The following WDR53 variants were observed in gnomAD, a reference collection of about 807,000 sequenced individuals.
WDR53 encodes WD repeat-containing protein 53.
WDR53 carries 19 observed loss-of-function variants against 21.3 expected under a neutral mutation model. That is an observed-to-expected ratio of 0.89 (90% CI 0.62 to 1.31). The LOEUF (loss-of-function observed/expected upper bound fraction) is 1.31, where lower values mean the gene tolerates loss of function less well. WDR53 is among the 50% of genes most tolerant of loss of function. The pLI, the probability that WDR53 is intolerant of heterozygous loss-of-function variation, is 0.00. For missense variants in WDR53, 374 were observed against 423.2 expected (o/e 0.88, Z 1.02); for synonymous variants, 157 against 163.4 (o/e 0.96, Z 0.30).
At chr3:196,555,971 CAAATTGAAATAAGCTAA>C (rs1367711437) in intron 3 of WDR53, among the ~76,000 whole-genome samples, 5 of 151,456 alleles carry the variant, frequency 3.3e-5, no homozygotes. Flanking sequence ...AAAGTACGAA[CAAATTGAAATAAGCTAA>C]AGTAAAATAA....
In WDR53 at chr3:196,561,334, A is replaced by G. The variant is rs1485504294; in HGVS notation, c.142T>C (p.Phe48Leu). 1 of 1,613,874 alleles carries G rather than the reference A, an allele frequency of 6.2e-7. No individual in the cohort carries two copies. Among genetic ancestry groups the G allele is most frequent in the East Asian group, 2.2e-5 (1 of 44,880 alleles). Residue 48 changes from phenylalanine (F) to leucine (L), a missense_variant, in exon 3 of 4, where the codon TTC becomes CTC. Coordinates refer to ENST00000332629, the MANE Select transcript of WDR53 (RefSeq NM_182627.3). ...CTGGTAACATCATCAGCCCCTTGGAACCGCGTGTGTCCTAATGGAGTTCCA... is the reference window on the plus strand; with the variant it reads ...CTGGTAACATCATCAGCCCCTTGGAGCCGCGTGTGTCCTAATGGAGTTCCA... ...EDGTPLGHTR[F>L]QGADDVTSVL...
chr3:196,563,041 C>T (rs1292132325), intron 2 of WDR53, among the ~76,000 whole-genome samples: 2 of 152,054 alleles, frequency 1.3e-5, no homozygotes, highest in African/African-American at 4.8e-5. Context: ...TCGGGGTCTC[C>T]CTATGTTGCC....
chr3:196,563,208 A>C (rs1735044085), intron 2 of WDR53, among the ~76,000 whole-genome samples: 1 of 152,204 alleles, frequency 6.6e-6, no homozygotes, highest in South Asian at 2.1e-4. Context: ...TCATATTATC[A>C]TCTACCTGCA....
chr3:196,556,676 TACACAC>T (rs59266188), intron 3 of WDR53, among the ~76,000 whole-genome samples: 2 of 139,194 alleles, frequency 1.4e-5, no homozygotes, highest in Admixed American at 7.2e-5. Flanking sequence ...AAAAAGAAAA[TACACAC>T]ACACACACAC....
At chr3:196,556,540 CA>C (rs1734333301) in intron 3 of WDR53, among the ~76,000 whole-genome samples, 2 of 151,632 alleles carry the variant, frequency 1.3e-5, no homozygotes, top group Admixed American at 1.3e-4. Context: ...CCTGTAGTCC[CA>C]GCTACTCGGG....
chr3:196,562,154 T>A (rs1734934742), intron 2 of WDR53, among the ~76,000 whole-genome samples: 1 of 152,226 alleles, frequency 6.6e-6, no homozygotes. Flanking sequence ...ACTAGCAGCA[T>A]CAGCATCCCC....
At chr3:196,556,934 C>G (rs1049174584) in intron 3 of WDR53, among the ~76,000 whole-genome samples, 15 of 152,168 alleles carry the variant, frequency 9.9e-5, no homozygotes, top group African/African-American at 3.1e-4. Flanking sequence ...ATTGAGGATT[C>G]CAGACTGTTC....
At chr3:196,568,427 G>A (rs568776826) in intron 1 of WDR53, 92 bp downstream of exon 1, 1 of 153,180 alleles carries the variant, frequency 6.5e-6, no homozygotes, top group Admixed American at 6.5e-5. Flanking sequence ...AGCAGACGCG[G>A]AGCCACCAGA....
chr3:196,560,873 G>T, intron 3 of WDR53, 123 bp downstream of exon 3: 1 of 1,236,650 alleles, frequency 8.1e-7, no homozygotes, highest in Non-Finnish European at 1.1e-6. Context: ...AAGGCTTATT[G>T]TTCATAAATG....
At chr3:196,556,253 G>A (rs1292788938) in intron 3 of WDR53, among the ~76,000 whole-genome samples, 5 of 151,886 alleles carry the variant, frequency 3.3e-5, no homozygotes, top group Non-Finnish European at 7.4e-5. Context: ...TTGCTATGTT[G>A]CCCAGGCTGG....
rs373913381 is a variant in WDR53, at chr3:196,554,667, C to T, written c.621G>A (p.Ser207=). ...PALAHSISVA[S]CGNIFSCGAE... ...CACCACAACTAAAAATATTACCACA[C>T]GAAGCCACAGAGATAGAATGGGCTA... Residue 207 remains serine (S), a synonymous_variant, in exon 4 of 4, where the codon TCG becomes TCA. Coordinates refer to ENST00000332629, the MANE Select transcript of WDR53 (RefSeq NM_182627.3). The T allele has an allele frequency of 1.9e-5, 30 of 1,614,016 alleles. No individual in the cohort carries two copies. Among genetic ancestry groups the T allele is most frequent in the Middle Eastern group, 1.6e-4 (1 of 6,084 alleles).
intron 3 of WDR53, among the ~76,000 whole-genome samples, chr3:196,558,242 G>A (rs1734518047): frequency 6.6e-6 from 1 of 152,016 alleles, no homozygotes; most frequent in South Asian, 2.1e-4. Context: ...GTCTCACTTT[G>A]TCATCCAGGC....
At chr3:196,560,627 TA>T (rs143301833) in intron 3 of WDR53, among the ~76,000 whole-genome samples, 6,504 of 152,308 alleles carry the variant, frequency 0.043, 458 homozygotes, top group African/African-American at 0.15. Context: ...CCCAGAACTT[TA>T]AAGTAAAAAC....
chr3:196,561,844 T>TG (rs1734902438), intron 2 of WDR53, among the ~76,000 whole-genome samples: 2 of 152,320 alleles, frequency 1.3e-5, no homozygotes, highest in Admixed American at 6.5e-5. Flanking sequence ...CATCAGGTTA[T>TG]GCCTCTTATC....
At chr3:196,556,666 A>AAG (rs1456091318) in intron 3 of WDR53, among the ~76,000 whole-genome samples, 1 of 147,570 alleles carries the variant, frequency 6.8e-6, no homozygotes, top group Non-Finnish European at 1.5e-5. Context: ...TAAAAAAAAA[A>AAG]AAAAGAAAAT....
intron 3 of WDR53, among the ~76,000 whole-genome samples, chr3:196,555,400 C>G (rs1734233423): frequency 6.6e-6 from 1 of 152,202 alleles, no homozygotes; most frequent in African/African-American, 2.4e-5. Context: ...TTTCTTGAGA[C>G]TTACTTAGTC....
chr3:196,566,325 C>G (rs1560310621), intron 2 of WDR53, among the ~76,000 whole-genome samples: 1 of 151,828 alleles, frequency 6.6e-6, no homozygotes, highest in African/African-American at 2.4e-5. Flanking sequence ...TGAGCTCAAG[C>G]AATCCACCCA....
intron 3 of WDR53, among the ~76,000 whole-genome samples, chr3:196,558,788 TA>T (rs1452715300): frequency 2.6e-5 from 4 of 152,216 alleles, no homozygotes; most frequent in African/African-American, 9.6e-5. Flanking sequence ...ACTGTGGAAA[TA>T]ATTATAGAGT....
At chr3:196,561,536 G>A (rs1734874719) in intron 2 of WDR53, 45 bp from the exon 3 acceptor site, 9 of 1,516,422 alleles carry the variant, frequency 5.9e-6, no homozygotes, top group Admixed American at 4.3e-5. Flanking sequence ...TTTATACATC[G>A]ACTTGATGGG....
Sources: allele counts gnomAD v4.1 joint callset (sites outside exome capture counted in the v4.1 genomes callset), GRCh38; gene constraint gnomAD v4.1.1; transcripts MANE v1.5; gene names NCBI Gene and HGNC (gene_info 2026-07-23, HGNC 2026-07-21).